CDK6: variants seen among roughly 807,000 people sequenced by gnomAD.
CDK6 encodes cyclin-dependent kinase 6.
Under a neutral mutation model 37.1 loss-of-function variants are expected in CDK6, and 6 were observed. The observed-to-expected ratio is 0.16, with a 90% confidence interval of 0.09 to 0.32. CDK6 has a LOEUF of 0.32. Ranked by LOEUF, CDK6 falls within the 10% of genes least tolerant of loss-of-function variation. The pLI is 1.00. For synonymous variants in CDK6, 160 were observed against 161.3 expected (o/e 0.99, Z 0.06); for missense variants, 224 against 418.9 (o/e 0.53, Z 4.06).
Position 92,707,706 on chromosome 7 carries a change from ACACT to A in CDK6, c.537+17916_537+17919del, listed in dbSNP as rs1220769313. ...AAAACGTGCGTGCATGCGCACACAC[ACACT>A]CACAGTCTCTTTCTCTCTCACAAGA... On this transcript the variant is annotated intron_variant, in intron 4 of 7. Transcript: ENST00000424848. Among the ~76,000 whole-genome samples, 9 of 152,382 alleles carry A rather than the reference ACACT, an allele frequency of 5.9e-5. No homozygotes were observed. The East Asian group carries it at 9.6e-4, about 16-fold the overall frequency.
At chr7:92,731,221 G>C (rs1374626186) in intron 3 of CDK6, among the ~76,000 whole-genome samples, 1 of 152,190 alleles carries the variant, frequency 6.6e-6, no homozygotes, top group Non-Finnish European at 1.5e-5. Context: ...AGCTTCAAAG[G>C]CTGTTTATAA....
chr7:92,669,585 A>G (rs1471066371), intron 5 of CDK6, among the ~76,000 whole-genome samples: 2 of 152,266 alleles, frequency 1.3e-5, no homozygotes, highest in South Asian at 2.1e-4. Flanking sequence ...GCGATGAAGT[A>G]GAATGACTGT....
rs1344102755 is a variant in CDK6 at position 92,834,841 on chromosome 7, T to G, written c.-367-1151A>C. Among the ~76,000 whole-genome samples, 2 of 152,072 alleles carry G rather than the reference T, an allele frequency of 1.3e-5. No homozygotes were observed. The highest frequency in any genetic ancestry group is 6.5e-5 in the Admixed American group (1 of 15,276). On this transcript the variant is annotated intron_variant, in intron 1 of 7. Coordinates refer to ENST00000424848, the MANE Select transcript of CDK6 (RefSeq NM_001145306.2). The surrounding 1 kb of genome is among the most constrained non-coding windows in gnomAD (Gnocchi z 4.6). The stretch of plus-strand genomic sequence containing the variant: ...CTCCGGCTAAAGGCCCGGTCCAGTC[T>G]GCAGCCGGACGCCCCCGGAGCCCTC...
chr7:92,607,037 C>T lies in CDK6; in HGVS notation c.*8103G>A, dbSNP rs185483003. 4.3e-6 allele frequency: 1 copy of T among 233,216 alleles called. No homozygotes were observed. Among genetic ancestry groups the T allele is most frequent in the Non-Finnish European group, 8.5e-6 (1 of 117,968 alleles). The allele number at this position is 233,216 out of a possible 1,614,324, so 14.4% of individuals were successfully genotyped here. ...ACAGGCAATCCTTGCTTTTTATTAC[C>T]ACACTGGATTGCTTCTGTACACAGC... On this transcript the variant is annotated 3_prime_UTR_variant, in exon 8 of 8. Coordinates refer to ENST00000424848, the MANE Select transcript of CDK6 (RefSeq NM_001145306.2).
At chr7:92,730,268 G>A (rs1261277228) in intron 3 of CDK6, among the ~76,000 whole-genome samples, 3 of 152,192 alleles carry the variant, frequency 2.0e-5, no homozygotes, top group Non-Finnish European at 4.4e-5. Context: ...TGTAGGCAAA[G>A]ATAATCTATT....
intron 5 of CDK6, among the ~76,000 whole-genome samples, chr7:92,645,900 T>C (rs1166292677): frequency 6.6e-6 from 1 of 152,230 alleles, no homozygotes; most frequent in Non-Finnish European, 1.5e-5. Flanking sequence ...AGGTGTGGCT[T>C]TATCTCTGTA....
chr7:92,827,341 T>C (rs1314783785), intron 2 of CDK6, among the ~76,000 whole-genome samples: 1 of 152,126 alleles, frequency 6.6e-6, no homozygotes, highest in Non-Finnish European at 1.5e-5. Flanking sequence ...ATATCCAAAT[T>C]TCGGCAAACT....
intron 2 of CDK6, among the ~76,000 whole-genome samples, chr7:92,775,925 A>G (rs1235873355): frequency 6.6e-6 from 1 of 151,920 alleles, no homozygotes; most frequent in Non-Finnish European, 1.5e-5. Flanking sequence ...AATTTTTTTT[A>G]TTATATTTTA....
intron 2 of CDK6, among the ~76,000 whole-genome samples, chr7:92,807,602 T>G (rs1171041041): frequency 6.6e-6 from 1 of 151,820 alleles, no homozygotes; most frequent in African/African-American, 2.4e-5. Context: ...TTTCTTCTGG[T>G]TTCTCATTAT....
intron 3 of CDK6, among the ~76,000 whole-genome samples, chr7:92,771,729 A>G (rs1376490709): frequency 1.3e-5 from 2 of 152,194 alleles, no homozygotes; most frequent in Non-Finnish European, 2.9e-5. Context: ...TATTCAATAA[A>G]TATCTGTACG....
intron 4 of CDK6, 22 bp downstream of exon 4, chr7:92,725,604 A>C: frequency 1.3e-6 from 2 of 1,591,568 alleles, no homozygotes; most frequent in East Asian, 2.2e-5. Context: ...GTTTAATAAA[A>C]GGACAGCACT....
intron 3 of CDK6, among the ~76,000 whole-genome samples, chr7:92,731,003 G>C (rs1017143092): frequency 3.3e-5 from 5 of 152,146 alleles, no homozygotes. Context: ...GTGACTAACA[G>C]CATCGTGTTA....
rs1319037578 is a variant in CDK6 at position 92,614,360 on chromosome 7, C to G, written c.*780G>C. On this transcript the variant is annotated 3_prime_UTR_variant, in exon 8 of 8. Coordinates refer to ENST00000424848, the MANE Select transcript of CDK6 (RefSeq NM_001145306.2). ...CAAAAGAAATGATAAAGCATGATGT[C>G]ATACAGAAGGTTAAAATAGACTTAC... 8.6e-6 allele frequency: 2 copies of G among 231,402 alleles called. No individual in the cohort carries two copies. Among genetic ancestry groups the G allele is most frequent in the African/African-American group, 2.3e-5 (1 of 43,924 alleles). 14.3% of individuals were successfully genotyped at this position (231,402 alleles called of 1,614,324 possible).
intron 3 of CDK6, among the ~76,000 whole-genome samples, chr7:92,758,093 G>C (rs1405841707): frequency 6.6e-6 from 1 of 152,134 alleles, no homozygotes; most frequent in African/African-American, 2.4e-5. Flanking sequence ...CCAATCTGTA[G>C]GGTGTTGTCT....
chr7:92,834,473 CG>C lies in CDK6; in HGVS notation c.-367-784del. Among the ~76,000 whole-genome samples, 1 of 91,956 alleles carries C rather than the reference CG, an allele frequency of 1.1e-5. No individual in the cohort carries two copies. Among genetic ancestry groups the C allele is most frequent in the South Asian group, 3.9e-4 (1 of 2,540 alleles). The allele number at this position is 91,956 out of a possible 152,430, so 60.3% of individuals were successfully genotyped here. On this transcript the variant is annotated intron_variant, in intron 1 of 7. Transcript: ENST00000424848. This position sits in a 1 kb window ranked among gnomAD's most constrained non-coding sequence, Gnocchi z 4.6. ...CTGGTCGGGGAGGGTTGGGGCTTAT[CG>C]GGGGTGGGCGAGCGAGCGGTCCTGG...
chr7:92,724,721 G>A (rs935827482), intron 4 of CDK6, among the ~76,000 whole-genome samples: 2 of 151,592 alleles, frequency 1.3e-5, no homozygotes, highest in Non-Finnish European at 2.9e-5. Context: ...TGGACAATAC[G>A]GATTATTTTT....
intron 5 of CDK6, among the ~76,000 whole-genome samples, chr7:92,646,135 G>A (rs1796443017): frequency 6.6e-6 from 1 of 152,134 alleles, no homozygotes; most frequent in African/African-American, 2.4e-5. Flanking sequence ...CTAACTTCAG[G>A]AAGCCCCTAT....
chr7:92,828,258 G>A (rs1412857523), intron 2 of CDK6, among the ~76,000 whole-genome samples: 1 of 152,078 alleles, frequency 6.6e-6, no homozygotes, highest in African/African-American at 2.4e-5. Context: ...GCAGAATTCA[G>A]GAATTTACTG....
intron 5 of CDK6, among the ~76,000 whole-genome samples, chr7:92,650,155 G>C (rs1461964759): frequency 6.6e-6 from 1 of 152,040 alleles, no homozygotes; most frequent in East Asian, 1.9e-4. Context: ...CTACAACAAG[G>C]CCACTTTGTT....
Sources: gnomAD v4.1 joint callset for allele counts (sites outside exome capture counted in the v4.1 genomes callset) on GRCh38, gnomAD v4.1.1 for gene constraint, Gnocchi (gnomAD v3.1) non-coding constraint, MANE v1.5 for transcripts, NCBI Gene and HGNC (gene_info 2026-07-23, HGNC 2026-07-21) for gene names.